The following CUX2 variants were observed in gnomAD, a reference collection of about 807,000 sequenced individuals.
CUX2 encodes homeobox protein cut-like 2.
Under a neutral mutation model 144.8 loss-of-function variants are expected in CUX2, and 40 were observed. The ratio of observed to expected loss-of-function variants is 0.28; its 90% CI spans 0.21 to 0.36. The LOEUF (loss-of-function observed/expected upper bound fraction) is 0.36. Ranked by LOEUF, CUX2 falls within the 10% of genes least tolerant of loss-of-function variation. CUX2 has a pLI of 1.00. For missense variants in CUX2, 1,615 were observed against 1,994.0 expected (o/e 0.81, Z 3.62); for synonymous variants, 827 against 875.6 (o/e 0.94, Z 0.98).
chr12:111,248,030 G>T (rs997256363), intron 3 of CUX2, among the ~76,000 whole-genome samples: 1 of 152,144 alleles, frequency 6.6e-6, no homozygotes, highest in East Asian at 1.9e-4. Context: ...CTCAGCAACC[G>T]AAGTACAGGT....
intron 1 of CUX2, among the ~76,000 whole-genome samples, chr12:111,179,338 A>G (rs1368236188): frequency 6.6e-6 from 1 of 152,200 alleles, no homozygotes; most frequent in Non-Finnish European, 1.5e-5. Flanking sequence ...GAGGAGTATT[A>G]CAAAGATAAA....
rs66783848 is a variant in CUX2, at chr12:111,310,720, C to G, written c.1900+38C>G. 6.5e-7 allele frequency: 1 copy of G among 1,547,796 alleles called. No individual in the cohort carries two copies. The highest frequency in any genetic ancestry group is 2.3e-5 in the East Asian group (1 of 44,068). On this transcript the variant is annotated intron_variant, in intron 15 of 21. Coordinates refer to ENST00000261726, the MANE Select transcript of CUX2 (RefSeq NM_015267.4). This position sits in a 1 kb window ranked among gnomAD's most constrained non-coding sequence, Gnocchi z 7.9. The stretch of plus-strand genomic sequence containing the variant: ...GAGGGCCCGTCCCCGCTGGCCACCA[C>G]GCCAGGTCCAGGGCATCAGGGCTGG...
rs1459440643 is a variant in CUX2 at position 111,263,897 on chromosome 12, A to C, written c.301+58A>C. The stretch of plus-strand genomic sequence containing the variant: ...TTAACGACAATAAATAGCCATTAGG[A>C]CTGTGACACAGGGACTTTGAGGTGG... On this transcript the variant is annotated intron_variant, in intron 4 of 21. Transcript: ENST00000261726. The surrounding 1 kb of genome is among the most constrained non-coding windows in gnomAD (Gnocchi z 4.0). The C allele has an allele frequency of 7.4e-6, 11 of 1,489,462 alleles. No individual in the cohort carries two copies. The East Asian group carries it at 2.5e-4, about 34-fold the overall frequency. 92.3% of individuals were successfully genotyped at this position (1,489,462 alleles called of 1,614,324 possible). A position where few individuals can be genotyped will look rare whatever the true frequency, so the allele number is the denominator to read the frequency against.
chr12:111,291,292 C>T, intron 4 of CUX2, 126 bp from the exon 5 acceptor site: 1 of 1,189,464 alleles, frequency 8.4e-7, no homozygotes, highest in Non-Finnish European at 1.2e-6. Context: ...AAAGTCCATG[C>T]TACTTCCTGT....
At chr12:111,132,216 C>A (rs1285057151) in intron 1 of CUX2, among the ~76,000 whole-genome samples, 2 of 152,246 alleles carry the variant, frequency 1.3e-5, no homozygotes, top group Non-Finnish European at 2.9e-5. Context: ...CCCTCTGAAG[C>A]CATGGCCCGA....
chr12:111,323,672 C>G (rs1172220552), intron 18 of CUX2, among the ~76,000 whole-genome samples: 1 of 151,996 alleles, frequency 6.6e-6, no homozygotes, highest in Non-Finnish European at 1.5e-5. Flanking sequence ...ACCTGTGGTC[C>G]CAGCTACTCG....
intron 1 of CUX2, among the ~76,000 whole-genome samples, chr12:111,130,954 A>G (rs1355088972): frequency 2.0e-5 from 3 of 152,188 alleles, no homozygotes; most frequent in Admixed American, 2.0e-4. Context: ...TCCCACACCT[A>G]TTGCCATGCA....
intron 1 of CUX2, among the ~76,000 whole-genome samples, chr12:111,197,325 GC>G (rs1013528128): frequency 2.6e-5 from 4 of 152,112 alleles, no homozygotes; most frequent in Admixed American, 2.0e-4. Context: ...ATTCTGCCTG[GC>G]CCCCAGGACT....
chr12:111,152,485 T>C (rs1011744656), intron 1 of CUX2, among the ~76,000 whole-genome samples: 3 of 152,134 alleles, frequency 2.0e-5, no homozygotes, highest in Admixed American at 1.3e-4. Flanking sequence ...TGGCCTTGTG[T>C]TGGCAGAGTT....
intron 1 of CUX2, among the ~76,000 whole-genome samples, chr12:111,041,152 T>C (rs543633933): frequency 6.6e-6 from 1 of 152,314 alleles, no homozygotes; most frequent in Admixed American, 6.5e-5. Context: ...TCACTTAACC[T>C]CTCCAAGCCT....
chr12:111,060,775 A>C (rs1273864416), intron 1 of CUX2, among the ~76,000 whole-genome samples: 1 of 152,194 alleles, frequency 6.6e-6, no homozygotes, highest in African/African-American at 2.4e-5. Context: ...GCCTCTGGGA[A>C]GTGAGGACTA....
At chr12:111,063,733 A>G (rs967807611) in intron 1 of CUX2, among the ~76,000 whole-genome samples, 1 of 152,228 alleles carries the variant, frequency 6.6e-6, no homozygotes, top group African/African-American at 2.4e-5. Context: ...GCATAGCATT[A>G]TTCTGTGCCT....
At chr12:111,311,616 T>G (rs1365377945) in intron 15 of CUX2, among the ~76,000 whole-genome samples, 2 of 150,254 alleles carry the variant, frequency 1.3e-5, no homozygotes, top group Non-Finnish European at 3.0e-5. Flanking sequence ...TTTTTTTTTT[T>G]GAGACGGAGT....
chr12:111,152,896 G>T (rs1877139433), intron 1 of CUX2, among the ~76,000 whole-genome samples: 1 of 152,210 alleles, frequency 6.6e-6, no homozygotes, highest in Non-Finnish European at 1.5e-5. Flanking sequence ...CATAAAGAAG[G>T]CACCTTCTGG....
rs1397683132 is a variant in CUX2, at chr12:111,289,852, A to C, written c.302-1566A>C. 6.6e-6 allele frequency among the ~76,000 whole-genome samples: 1 copy of C among 152,038 alleles called. No individual in the cohort carries two copies. Among genetic ancestry groups the C allele is most frequent in the Non-Finnish European group, 1.5e-5 (1 of 68,026 alleles). Reference sequence around the variant, plus strand: ...GGTGCAAAATAGGAATGCAGGGAGCAGGAAGGCTGGGAGAGCTCGCGGAGA... The same window carrying C: ...GGTGCAAAATAGGAATGCAGGGAGCCGGAAGGCTGGGAGAGCTCGCGGAGA... On this transcript the variant is annotated intron_variant, in intron 4 of 21. Transcript: ENST00000261726. The surrounding 1 kb of genome is among the most constrained non-coding windows in gnomAD (Gnocchi z 4.1).
chr12:111,075,793 G>T (rs1184884703), intron 1 of CUX2, among the ~76,000 whole-genome samples: 1 of 152,044 alleles, frequency 6.6e-6, no homozygotes, highest in African/African-American at 2.4e-5. Flanking sequence ...CGAGTGATTT[G>T]CCCAGGGTCA....
intron 1 of CUX2, among the ~76,000 whole-genome samples, chr12:111,150,629 G>C (rs953358256): frequency 6.6e-6 from 1 of 152,066 alleles, no homozygotes; most frequent in African/African-American, 2.4e-5. Context: ...CTTCTGCCCC[G>C]GGCAGGAGGC....
chr12:111,212,462 C>T (rs1000199216), intron 1 of CUX2, among the ~76,000 whole-genome samples: 3 of 152,216 alleles, frequency 2.0e-5, no homozygotes, highest in African/African-American at 4.8e-5. Context: ...CATCACAGCT[C>T]ACTGCAGCCT....
chr12:111,043,191 G>A (rs568827280), intron 1 of CUX2, among the ~76,000 whole-genome samples: 4 of 152,232 alleles, frequency 2.6e-5, no homozygotes, highest in African/African-American at 9.6e-5. Flanking sequence ...CATGGGACGA[G>A]TGGATGCACA....
Sources: gnomAD v4.1 joint callset for allele counts (sites outside exome capture counted in the v4.1 genomes callset) on GRCh38, gnomAD v4.1.1 for gene constraint, Gnocchi (gnomAD v3.1) non-coding constraint, MANE v1.5 for transcripts, NCBI Gene and HGNC (gene_info 2026-07-23, HGNC 2026-07-21) for gene names.